The following RAP1GAP2 variants were observed in gnomAD, a reference collection of about 807,000 sequenced individuals.
RAP1GAP2 encodes the protein RAP1 GTPase activating protein 2, also known as rap1 GTPase-activating protein 2.
RAP1GAP2 carries 27 observed loss-of-function variants against 95.0 expected under a neutral mutation model. The ratio of observed to expected loss-of-function variants is 0.28; its 90% CI spans 0.21 to 0.39. The LOEUF (loss-of-function observed/expected upper bound fraction) is 0.39, where lower values mean the gene tolerates loss of function less well. Ranked by LOEUF, RAP1GAP2 falls within the 10% of genes least tolerant of loss-of-function variation. The pLI is 1.00. For missense variants in RAP1GAP2, 771 were observed against 970.0 expected (o/e 0.79, Z 2.72); for synonymous variants, 373 against 380.9 (o/e 0.98, Z 0.24).
chr17:2,755,834 A>C, intron 1 of RAP1GAP2: 1 of 344,064 alleles, frequency 2.9e-6, no homozygotes, highest in South Asian at 1.4e-4. Flanking sequence ...CCGGCGCGGG[A>C]AGCAGCGGGG....
rs1392739321 is a variant in RAP1GAP2, at chr17:3,027,528, G to GA, written c.2107+459dup. ...GTGGAAAGGCCCAGAGGAGAGGAGA[G>GA]AGCGGGTATTCCGGAACTGCACGTG... is the stretch of plus-strand genomic sequence containing the variant. On this transcript the variant is annotated intron_variant, in intron 22 of 24. Coordinates refer to ENST00000254695, the MANE Select transcript of RAP1GAP2 (RefSeq NM_015085.5). This position sits in a 1 kb window ranked among gnomAD's most constrained non-coding sequence, Gnocchi z 5.2. 6.6e-6 allele frequency among the ~76,000 whole-genome samples: 1 copy of GA among 152,144 alleles called. No homozygotes were observed. The highest frequency in any genetic ancestry group is 1.5e-5 in the Non-Finnish European group (1 of 68,030).
intron 2 of RAP1GAP2, among the ~76,000 whole-genome samples, chr17:2,893,201 T>A (rs1228235661): frequency 2.0e-5 from 3 of 151,862 alleles, no homozygotes. Flanking sequence ...GCCCGGCTAG[T>A]TTTTTTATTT....
chr17:3,032,773 G>A (rs757666654), intron 24 of RAP1GAP2, among the ~76,000 whole-genome samples: 7 of 152,180 alleles, frequency 4.6e-5, no homozygotes, highest in Non-Finnish European at 8.8e-5. Context: ...AGTTCCTGAG[G>A]GCTCCCTTGC....
Position 2,798,724 on chromosome 17 carries a change from G to A in RAP1GAP2, c.45-1791G>A, listed in dbSNP as rs113839306. ...TGAAAGGGAAAGGCCCAGCCTCACA[G>A]TCCTCTCCATCTCCCATCTCAGCCT... On this transcript the variant is annotated intron_variant, in intron 1 of 24. Transcript: ENST00000254695. Among the ~76,000 whole-genome samples, 771 of 152,296 alleles carry A rather than the reference G, an allele frequency of 5.1e-3. 10 individuals are homozygous for A. Among genetic ancestry groups the A allele is most frequent in the African/African-American group, 0.017 (689 of 41,556 alleles).
chr17:2,811,859 G>A (rs562865570), intron 2 of RAP1GAP2, among the ~76,000 whole-genome samples: 56 of 151,984 alleles, frequency 3.7e-4, no homozygotes, highest in African/African-American at 1.3e-3. Flanking sequence ...GATTACAGGC[G>A]TGAGCCACTG....
intron 3 of RAP1GAP2, among the ~76,000 whole-genome samples, chr17:2,935,532 G>A (rs547786576): frequency 2.6e-5 from 4 of 152,122 alleles, no homozygotes; most frequent in Admixed American, 1.3e-4. Context: ...AAAAGAGAAC[G>A]TCCCACATCT....
chr17:2,872,213 CAAA>C (rs562587177), intron 2 of RAP1GAP2, among the ~76,000 whole-genome samples: 2 of 75,644 alleles, frequency 2.6e-5, no homozygotes, highest in Non-Finnish European at 2.4e-5. Context: ...GCCTCTGTCT[CAAA>C]AAAAAAAAAA....
At chr17:2,929,538 G>A (rs893481221) in intron 3 of RAP1GAP2, among the ~76,000 whole-genome samples, 7 of 152,178 alleles carry the variant, frequency 4.6e-5, no homozygotes, top group African/African-American at 1.7e-4. Flanking sequence ...CTGGTTCCTG[G>A]TAAAGTCATT....
chr17:2,834,902 A>T (rs965923326), intron 2 of RAP1GAP2, among the ~76,000 whole-genome samples: 2 of 152,104 alleles, frequency 1.3e-5, no homozygotes, highest in African/African-American at 2.4e-5. Context: ...TTAAATTAAA[A>T]TAAATTAAAT....
At chr17:2,885,977 T>C (rs2073482491) in intron 2 of RAP1GAP2, among the ~76,000 whole-genome samples, 1 of 152,166 alleles carries the variant, frequency 6.6e-6, no homozygotes, top group Non-Finnish European at 1.5e-5. Context: ...TGATTCCCTG[T>C]GGCAGGTGCT....
rs2046265920 is a variant in RAP1GAP2 at position 3,004,305 on chromosome 17, C to T, written c.1201-1064C>T. Among the ~76,000 whole-genome samples the T allele has an allele frequency of 6.6e-6, 1 of 152,234 alleles. No individual in the cohort carries two copies. On this transcript the variant is annotated intron_variant, in intron 14 of 24. Transcript: ENST00000254695. The surrounding 1 kb of genome is among the most constrained non-coding windows in gnomAD (Gnocchi z 4.1). ...CTTGAGAAGAGAAAGCCCGTATTGA[C>T]CAGCTCTCTCCCGCTCCGTTTCCCC...
chr17:2,757,924 G>T (rs540338514), intron 1 of RAP1GAP2, among the ~76,000 whole-genome samples: 1 of 151,718 alleles, frequency 6.6e-6, no homozygotes, highest in African/African-American at 2.4e-5. Flanking sequence ...AGCTGGAGTG[G>T]AGTGGCGCGA....
chr17:2,905,359 C>T lies in RAP1GAP2; in HGVS notation c.156C>T (p.Pro52=). 1.9e-6 allele frequency: 3 copies of T among 1,613,632 alleles called. No individual in the cohort carries two copies. Among genetic ancestry groups the T allele is most frequent in the Non-Finnish European group, 2.5e-6 (3 of 1,179,634 alleles). The change falls in exon 3 of 25, where the codon CCC becomes CCT. Residue 52 remains proline, a synonymous_variant. Coordinates refer to ENST00000254695, the MANE Select transcript of RAP1GAP2 (RefSeq NM_015085.5). The part of the protein sequence containing the change: ...RPLSPPLTAP[P]TMKSSEFFEM... ...TCTCCCCTCCTCTCACGGCACCTCCCACCATGAAGGTAAGAGGCTTCGATT... is the reference window on the plus strand; with the variant it reads ...TCTCCCCTCCTCTCACGGCACCTCCTACCATGAAGGTAAGAGGCTTCGATT...
rs1003236855 is a variant in RAP1GAP2 at position 2,857,011 on chromosome 17, C to T, written c.81-48273C>T. Among the ~76,000 whole-genome samples, 1 of 152,196 alleles carries T rather than the reference C, an allele frequency of 6.6e-6. No individual in the cohort carries two copies. The highest frequency in any genetic ancestry group is 1.5e-5 in the Non-Finnish European group (1 of 68,034). ...ACCCTTGCTCTGCAGGTGCTGGTGG[C>T]CACGGGAGGCCTGGAGCAGGCTGCA... On this transcript the variant is annotated intron_variant, in intron 2 of 24. Coordinates refer to ENST00000254695, the MANE Select transcript of RAP1GAP2 (RefSeq NM_015085.5). This position sits in a 1 kb window ranked among gnomAD's most constrained non-coding sequence, Gnocchi z 4.0.
intron 3 of RAP1GAP2, among the ~76,000 whole-genome samples, chr17:2,939,913 G>A (rs554484780): frequency 2.0e-5 from 3 of 152,368 alleles, no homozygotes; most frequent in Non-Finnish European, 1.5e-5. Flanking sequence ...AGCTTCGGGC[G>A]GACACCCGAG....
At position 2,978,655 on chromosome 17, in the gene RAP1GAP2, C is replaced by T. The variant is rs115583229; in HGVS notation, c.597-1632C>T. 9.1e-3 allele frequency among the ~76,000 whole-genome samples: 1,388 copies of T among 152,082 alleles called. 26 individuals are homozygous for T. The highest frequency in any genetic ancestry group is 0.032 in the African/African-American group (1,311 of 41,498). On this transcript the variant is annotated intron_variant, in intron 8 of 24. Transcript: ENST00000254695. Reference sequence around the variant, plus strand: ...GCTGTATTAATAAATTGACTTCGGCCGGGTGCTGTGGCTCACCCCTGTAAT... The same window carrying T: ...GCTGTATTAATAAATTGACTTCGGCTGGGTGCTGTGGCTCACCCCTGTAAT...
chr17:2,790,921 C>G (rs556614009), intron 1 of RAP1GAP2, among the ~76,000 whole-genome samples: 1 of 152,196 alleles, frequency 6.6e-6, no homozygotes, highest in Admixed American at 6.5e-5. Flanking sequence ...AGAGGCCGGG[C>G]GCTGCGAGCG....
Position 2,964,079 on chromosome 17 carries a change from G to A in RAP1GAP2, c.492+11G>A, listed in dbSNP as rs773526871. On this transcript the variant is annotated intron_variant, in intron 7 of 24. Coordinates refer to ENST00000254695, the MANE Select transcript of RAP1GAP2 (RefSeq NM_015085.5). ...CACTTCCTGGGGAAGGTGAGGCTGG[G>A]GGAGAGGAGCTGCTGGGGGTTGGGG... The A allele has an allele frequency of 6.2e-7, 1 of 1,604,508 alleles. No individual in the cohort carries two copies. The highest frequency in any genetic ancestry group is 8.5e-7 in the Non-Finnish European group (1 of 1,175,308).
At position 3,018,153 on chromosome 17, in the gene RAP1GAP2, G is replaced by A. The variant is rs1490456979; in HGVS notation, c.1587G>A (p.Gly529=). The change falls in exon 18 of 25, where the codon GGG becomes GGA. Residue 529 remains glycine (G), a synonymous_variant. Coordinates refer to ENST00000254695, the MANE Select transcript of RAP1GAP2 (RefSeq NM_015085.5). ...GGGGCATCCCTGGCAGCCTCAGCGG[G>A]GGCATCTCCCACAACAGCATGGAGG... ...HSGGIPGSLS[G]GISHNSMEVT... 6.3e-7 allele frequency: 1 copy of A among 1,580,060 alleles called. No homozygotes were observed. Among genetic ancestry groups the A allele is most frequent in the Non-Finnish European group, 8.6e-7 (1 of 1,163,738 alleles).
Sources: gnomAD v4.1 joint callset for allele counts (sites outside exome capture counted in the v4.1 genomes callset) on GRCh38, gnomAD v4.1.1 for gene constraint, Gnocchi (gnomAD v3.1) non-coding constraint, MANE v1.5 for transcripts, NCBI Gene and HGNC (gene_info 2026-07-23, HGNC 2026-07-21) for gene names.